Variants in STARD9 observed in about 807,000 individuals in gnomAD.
STARD9 encodes the protein stAR-related lipid transfer protein 9.
STARD9 carries 346 observed loss-of-function variants against 399.8 expected under a neutral mutation model. The ratio of observed to expected loss-of-function variants is 0.87; its 90% confidence interval spans 0.79 to 0.95. STARD9 has a LOEUF of 0.95. Among genes scored for constraint, STARD9 ranks in the 40% least tolerant of loss-of-function variants. The pLI is 0.00. For missense variants in STARD9, 5,832 were observed against 5,667.5 expected, an observed-to-expected ratio of 1.03 and a Z score of -0.93; for synonymous variants, 2,203 against 2,143.5, an observed-to-expected ratio of 1.03 and a Z score of -0.77.
At chr15:42,664,785 C>T (rs1401297168) in intron 13 of STARD9, among the ~76,000 whole-genome samples, 2 of 135,710 alleles carry the variant, frequency 1.5e-5, no homozygotes, top group Non-Finnish European at 3.0e-5. Context: ...TTTGTTTATC[C>T]TTTAACACAC....
At position 42,707,739 on chromosome 15, in the gene STARD9, TTG is replaced by T. The variant is rs150492102; in HGVS notation, c.13285-8935_13285-8934del. Among the ~76,000 whole-genome samples, 494 of 152,236 alleles carry T rather than the reference TTG, an allele frequency of 3.2e-3. 15 individuals are homozygous for T. The East Asian group carries it at 0.076, about 23-fold the overall frequency. On this transcript the variant is annotated intron_variant, in intron 26 of 32. Transcript: ENST00000290607. ...CCCATAAGATGAGATATATTACTAT[TTG>T]TGAATTAAACAACATATACAGTATA...
rs987641899 is a variant in STARD9, at chr15:42,694,234, A to G, written c.12656A>G (p.His4219Arg). 7.2e-6 allele frequency: 11 copies of G among 1,534,710 alleles called. No homozygotes were observed. The African/African-American group carries it at 9.6e-5, about 13-fold the overall frequency. Residue 4219 changes from histidine (H) to arginine (R), a missense_variant, in exon 23 of 33, where the codon CAT becomes CGT. His to Arg is a conservative substitution (Grantham distance 29). Transcript: ENST00000290607. ...GAACTCACAGAAGCGAAACTGCACC[A>G]TGGCTTTGGGGAGGCCGATGCCCTG... ...SVELTEAKLHHGFGEADALLQ... is the reference protein window; with the variant it reads ...SVELTEAKLHRGFGEADALLQ...
At chr15:42,602,357 G>C (rs1216967292) in intron 3 of STARD9, among the ~76,000 whole-genome samples, 1 of 152,192 alleles carries the variant, frequency 6.6e-6, no homozygotes, top group Non-Finnish European at 1.5e-5. Flanking sequence ...GTATGTTCAA[G>C]GTAGAGGGGT....
At chr15:42,698,445 C>T (rs2060891596) in intron 26 of STARD9, among the ~76,000 whole-genome samples, 2 of 152,068 alleles carry the variant, frequency 1.3e-5, no homozygotes, top group African/African-American at 4.8e-5. Flanking sequence ...TTCTCATATG[C>T]TTGAATATTT....
At position 42,712,109 on chromosome 15, in the gene STARD9, A is replaced by AT. The variant is rs1351490725; in HGVS notation, c.13285-4567dup. Among the ~76,000 whole-genome samples, 52 of 51,712 alleles carry AT rather than the reference A, an allele frequency of 1.0e-3. 8 individuals are homozygous for AT. The highest frequency in any genetic ancestry group is 7.7e-3 in the African/African-American group (42 of 5,452). 33.9% of individuals were successfully genotyped at this position (51,712 alleles called of 152,430 possible). On this transcript the variant is annotated intron_variant, in intron 26 of 32. Transcript: ENST00000290607. ...TATATATATATATAATATATAATAT[A>AT]TAATATATAATATATATATAAATGT... is the stretch of plus-strand genomic sequence containing the variant.
intron 3 of STARD9, among the ~76,000 whole-genome samples, chr15:42,631,479 C>A (rs1381989199): frequency 3.3e-5 from 5 of 151,858 alleles, no homozygotes; most frequent in Admixed American, 3.3e-4. Context: ...ACTTGGGATA[C>A]CAGGGCATGA....
At chr15:42,704,579 G>A (rs551113845) in intron 26 of STARD9, among the ~76,000 whole-genome samples, 12 of 152,084 alleles carry the variant, frequency 7.9e-5, no homozygotes, top group Non-Finnish European at 1.0e-4. Flanking sequence ...CCATCTTAGC[G>A]CTAGAGGGCA....
Position 42,685,929 on chromosome 15 carries a change from C to G in STARD9, c.4351C>G (p.Gln1451Glu), listed in dbSNP as rs1045819936. The change falls in exon 23 of 33, where the codon CAG becomes GAG. Residue 1451 changes from glutamine to glutamate, a missense_variant. Physicochemically the swap from Gln to Glu is conservative, Grantham distance 29. Coordinates refer to ENST00000290607, the MANE Select transcript of STARD9 (RefSeq NM_020759.3). ...CAGATGTATCCCTGACATGACCCAG[C>G]AGGGCAGCTCTGAAGCATCCCACAA... ...QGRCIPDMTQQGSSEASHNSS... is the reference protein window; with the variant it reads ...QGRCIPDMTQEGSSEASHNSS... 4.6e-6 allele frequency: 7 copies of G among 1,537,060 alleles called. No homozygotes were observed. The Admixed American group carries it at 1.4e-4, about 30-fold the overall frequency.
At position 42,665,295 on chromosome 15, in the gene STARD9, G is replaced by T; in HGVS notation, c.1219G>T (p.Glu407Ter). Residue 407 changes from glutamate to a stop codon, truncating the protein, a stop_gained, in exon 14 of 33, where the codon GAA becomes TAA. Coordinates refer to ENST00000290607, the MANE Select transcript of STARD9 (RefSeq NM_020759.3). LOFTEE classifies it high-confidence loss of function. ...GATTAGAGAACTCAGAGAAGAGATT[G>T]AAAGACTGAAAGCCCTGCTGCTGAG... ...KLIRELREEI[E>*]RLKALLLSFE... 1 of 1,537,150 alleles carries T rather than the reference G, an allele frequency of 6.5e-7. No homozygotes were observed. Among genetic ancestry groups the T allele is most frequent in the South Asian group, 1.2e-5 (1 of 84,060 alleles).
intron 20 of STARD9, 107 bp from the exon 21 acceptor site, chr15:42,681,301 CCAAAGCACTCTCTA>C: frequency 9.5e-7 from 1 of 1,049,684 alleles, no homozygotes. Flanking sequence ...TGCCAGAAGT[CCAAAGCACTCTCTA>C]CCCTGTTGAT....
chr15:42,662,936 A>G, intron 11 of STARD9, 45 bp downstream of exon 11: 1 of 1,337,648 alleles, frequency 7.5e-7, no homozygotes, highest in Non-Finnish European at 1.0e-6. Context: ...AGTTCGGAAA[A>G]TAACTCATGT....
intron 3 of STARD9, among the ~76,000 whole-genome samples, chr15:42,596,496 C>A (rs1043831939): frequency 1.3e-5 from 2 of 152,056 alleles, no homozygotes. Context: ...GAACAGCAGC[C>A]CTTTGAGCAA....
intron 1 of STARD9, among the ~76,000 whole-genome samples, chr15:42,581,964 C>T (rs566014090): frequency 1.3e-5 from 2 of 152,028 alleles, no homozygotes; most frequent in Non-Finnish European, 2.9e-5. Context: ...CAATCTGTGT[C>T]GTCAACAACA....
rs75470429 is a variant in STARD9 at position 42,702,867 on chromosome 15, G to A, written c.13284+6987G>A. 2.2e-4 allele frequency among the ~76,000 whole-genome samples: 33 copies of A among 152,276 alleles called. 1 individual carries two copies. The highest frequency in any genetic ancestry group is 7.9e-4 in the African/African-American group (33 of 41,546). The stretch of plus-strand genomic sequence containing the variant: ...TTGACTGTCATCCCACTCCCTCCTA[G>A]CCTGTAAGGTTTTTGCCGAGAAGTC... On this transcript the variant is annotated intron_variant, in intron 26 of 32. Coordinates refer to ENST00000290607, the MANE Select transcript of STARD9 (RefSeq NM_020759.3).
At chr15:42,665,686 T>C in intron 14 of STARD9, 100 bp from the exon 15 acceptor site, 1 of 906,782 alleles carries the variant, frequency 1.1e-6, no homozygotes, top group Middle Eastern at 2.2e-4. Context: ...ATAAAGTTTT[T>C]CCTTTATCTG....
intron 3 of STARD9, among the ~76,000 whole-genome samples, chr15:42,589,937 C>A (rs1328165630): frequency 3.6e-5 from 5 of 137,856 alleles, no homozygotes; most frequent in East Asian, 2.2e-4. Flanking sequence ...TGTGTCACAT[C>A]TTCTAACCTT....
chr15:42,576,681 T>A (rs564485063), intron 1 of STARD9, among the ~76,000 whole-genome samples: 52 of 152,204 alleles, frequency 3.4e-4, no homozygotes, highest in Admixed American at 1.0e-3. Flanking sequence ...AGTTTAAAAA[T>A]CTCTGGGACA....
At chr15:42,654,416 A>G (rs1434337691) in intron 9 of STARD9, among the ~76,000 whole-genome samples, 2 of 152,162 alleles carry the variant, frequency 1.3e-5, no homozygotes, top group Non-Finnish European at 2.9e-5. Context: ...AATAGTAACC[A>G]TAAGTCCTAG....
At chr15:42,651,176 A>C (rs752924654) in intron 8 of STARD9, 91 bp downstream of exon 8, 48 of 906,436 alleles carry the variant, frequency 5.3e-5, no homozygotes, top group Admixed American at 7.2e-5. Context: ...AATGACACTT[A>C]AAATTGTCTC....
Sources: allele counts gnomAD v4.1 joint callset (sites outside exome capture counted in the v4.1 genomes callset), GRCh38; gene constraint gnomAD v4.1.1; transcripts MANE v1.5; gene names NCBI Gene and HGNC (gene_info 2026-07-23, HGNC 2026-07-21).